Variants in ZNF683 observed in about 807,000 individuals in gnomAD.
ZNF683 encodes the protein tissue-resident T-cell transcription regulator protein ZNF683.
A neutral mutation model predicts 31.4 loss-of-function variants in ZNF683; 20 were observed. That is an observed-to-expected ratio of 0.64 (90% CI 0.45 to 0.93). The LOEUF (loss-of-function observed/expected upper bound fraction) is 0.93. ZNF683 is among the 40% of genes least tolerant of loss of function. ZNF683 has a pLI of 0.00. For missense variants in ZNF683, 621 were observed against 637.2 expected, an observed-to-expected ratio of 0.97 and a Z score of 0.27; for synonymous variants, 264 against 267.6, an observed-to-expected ratio of 0.99 and a Z score of 0.13.
chr1:26,369,834 A>C (rs1030139796), intron 1 of ZNF683, among the ~76,000 whole-genome samples: 1 of 152,076 alleles, frequency 6.6e-6, no homozygotes, highest in African/African-American at 2.4e-5. Context: ...GTTCAAAAAT[A>C]AATAAATAAA....
chr1:26,366,217 G>T (rs143727072), intron 3 of ZNF683, among the ~76,000 whole-genome samples: 141 of 151,854 alleles, frequency 9.3e-4, no homozygotes, highest in African/African-American at 3.3e-3. Flanking sequence ...AAATTAGCTG[G>T]GTGTTTGTGG....
At position 26,368,521 on chromosome 1, in the gene ZNF683, G is replaced by A; in HGVS notation, c.51C>T (p.Ala17=). The change falls in exon 2 of 6, where the codon GCC becomes GCT. Residue 17 remains alanine, a synonymous_variant. Coordinates refer to ENST00000349618, the MANE Select transcript of ZNF683 (RefSeq NM_001114759.3). ...ACAGGGAGCCCCCTGTACCTCCCAG[G>A]GCCATGGGCCTATGACAACAACCTA... ...AQLGCCHRPM[A]LGGTGGSLSP... The A allele has an allele frequency of 1.2e-6, 2 of 1,606,402 alleles. No individual in the cohort carries two copies. Among genetic ancestry groups the A allele is most frequent in the Non-Finnish European group, 8.5e-7 (1 of 1,176,426 alleles).
rs2074565752 is a variant in ZNF683, at chr1:26,367,793, AAGACCT to A, written c.115-2_118del. ...GTCTGGAAGTGGTCTGCAGGCTGAG[AAGACCT>A]GGAGGGCAGGGGCAAGGGGCTTGGG... On this transcript the variant is annotated splice_acceptor_variant and coding_sequence_variant, in exon 3 of 6. Transcript: ENST00000349618. LOFTEE classifies it high-confidence loss of function. 3 of 1,586,568 alleles carry A rather than the reference AAGACCT, an allele frequency of 1.9e-6. No individual in the cohort carries two copies. Among genetic ancestry groups the A allele is most frequent in the Non-Finnish European group, 2.6e-6 (3 of 1,164,150 alleles).
intron 4 of ZNF683, among the ~76,000 whole-genome samples, chr1:26,363,376 A>G (rs1026550714): frequency 6.6e-6 from 1 of 152,166 alleles, no homozygotes; most frequent in African/African-American, 2.4e-5. Context: ...GAACACTGCT[A>G]TTCAAAATGT....
chr1:26,374,174 C>G (rs935372328), upstream of ZNF683: 42 of 1,213,120 alleles, frequency 3.5e-5, no homozygotes, highest in Non-Finnish European at 4.6e-5. Context: ...CCTCTCAGAC[C>G]CCCAGGCCAC....
chr1:26,368,692 A>G (rs1411984372), intron 1 of ZNF683, 107 bp from the exon 2 acceptor site: 2 of 1,301,036 alleles, frequency 1.5e-6, no homozygotes, highest in Non-Finnish European at 2.0e-6. Context: ...CAAGTTATTC[A>G]TGTCCCTTCC....
intron 3 of ZNF683, among the ~76,000 whole-genome samples, chr1:26,365,782 C>T (rs1570254207): frequency 1.3e-5 from 2 of 152,314 alleles, no homozygotes; most frequent in Admixed American, 1.3e-4. Context: ...GTGGCTCATG[C>T]CTATAATCCC....
Position 26,361,768 on chromosome 1 carries a change from G to C in ZNF683, c.1398C>G (p.His466Gln). 1 of 1,614,068 alleles carries C rather than the reference G, an allele frequency of 6.2e-7. No individual in the cohort carries two copies. Among genetic ancestry groups the C allele is most frequent in the East Asian group, 2.2e-5 (1 of 44,890 alleles). ...TGACCTCATCTATGTCATAGCCCAT[G>C]TGTTTCTCAGATGCCACCGCCATAA... The part of the protein sequence containing the change: ...LDLMAVASEK[H>Q]MGYDIDEVKV... Residue 466 changes from histidine (H) to glutamine (Q), a missense_variant, in exon 6 of 6, where the codon CAC (histidine) becomes CAG (glutamine). By Grantham distance (24) the His-to-Gln change is conservative (BLOSUM62 0). Transcript: ENST00000349618.
chr1:26,367,555 C>T (rs1297181748), intron 3 of ZNF683, 38 bp downstream of exon 3: 2 of 1,505,116 alleles, frequency 1.3e-6, no homozygotes, highest in Non-Finnish European at 1.8e-6. Flanking sequence ...CCTCCAGCCT[C>T]TGCCAGGCGC....
At chr1:26,363,659 C>T (rs565292633) in intron 4 of ZNF683, among the ~76,000 whole-genome samples, 2 of 147,990 alleles carry the variant, frequency 1.4e-5, no homozygotes, top group Admixed American at 1.4e-4. Flanking sequence ...TCCCAGCTAC[C>T]GGGGAGGATG....
At chr1:26,369,496 C>T (rs1049151271) in intron 1 of ZNF683, among the ~76,000 whole-genome samples, 14 of 151,758 alleles carry the variant, frequency 9.2e-5, no homozygotes, top group Non-Finnish European at 2.9e-5. Flanking sequence ...GGTGAAACCT[C>T]GTCTCTACCA....
chr1:26,369,744 C>A (rs1447682367), intron 1 of ZNF683, among the ~76,000 whole-genome samples: 2 of 151,802 alleles, frequency 1.3e-5, no homozygotes, highest in Admixed American at 1.3e-4. Context: ...GCAAGAGAAT[C>A]GCTTGAACCC....
At chr1:26,371,350 A>G (rs1055809562) in intron 1 of ZNF683, among the ~76,000 whole-genome samples, 1 of 152,188 alleles carries the variant, frequency 6.6e-6, no homozygotes, top group Non-Finnish European at 1.5e-5. Flanking sequence ...CTGTAATCCC[A>G]GCACTTCAGG....
chr1:26,364,539 T>A lies in ZNF683; in HGVS notation c.1007A>T (p.Asn336Ile). The A allele has an allele frequency of 6.2e-7, 1 of 1,613,734 alleles. No homozygotes were observed. The highest frequency in any genetic ancestry group is 8.5e-7 in the Non-Finnish European group (1 of 1,179,842). Reference protein sequence around the residue: ...ICGKSFGQLSNLKVHLRVHSG... With the variant: ...ICGKSFGQLSILKVHLRVHSG... ...AGCCCAGGAGGCAGATACCTTGAGA[T>A]TGGAGAGCTGCCCAAAGCTCTTGCC... Residue 336 changes from asparagine to isoleucine, a missense_variant, in exon 4 of 6, where the codon AAT (asparagine) becomes ATT (isoleucine). By Grantham distance (149) the Asn-to-Ile change is moderately radical. Coordinates refer to ENST00000349618, the MANE Select transcript of ZNF683 (RefSeq NM_001114759.3).
rs374604617 is a variant in ZNF683, at chr1:26,366,185, AAAAG to A, written c.320-963_320-960del. 3.9e-3 allele frequency among the ~76,000 whole-genome samples: 587 copies of A among 151,986 alleles called. 4 individuals carry two copies. The highest frequency in any genetic ancestry group is 0.024 in the Middle Eastern group (7 of 294). ...ACAAAAGCGAAACTCTGTTTCAAAA[AAAAG>A]AAAGAAAGAAAGAAAGAAAATTAGC... On this transcript the variant is annotated intron_variant, in intron 3 of 5. Coordinates refer to ENST00000349618, the MANE Select transcript of ZNF683 (RefSeq NM_001114759.3).
At chr1:26,370,010 A>G (rs1199784528) in intron 1 of ZNF683, among the ~76,000 whole-genome samples, 1 of 152,088 alleles carries the variant, frequency 6.6e-6, no homozygotes, top group Non-Finnish European at 1.5e-5. Context: ...CAATCAATCA[A>G]TCAATCAATC....
Position 26,362,945 on chromosome 1 carries a change from G to C in ZNF683, c.1143+81C>G, listed in dbSNP as rs150150600. The C allele has an allele frequency of 1.5e-3, 2,279 of 1,498,508 alleles. 36 individuals carry two copies. The African/African-American group carries it at 0.028, about 18-fold the overall frequency. 92.8% of individuals were successfully genotyped at this position (1,498,508 alleles called of 1,614,324 possible). On this transcript the variant is annotated intron_variant, in intron 5 of 5. Coordinates refer to ENST00000349618, the MANE Select transcript of ZNF683 (RefSeq NM_001114759.3). ...TTGCTCAGGAGGACTGGGGAATGGA[G>C]GCTGCAGGTGCCAGCCCTCCAAGGG... is the stretch of plus-strand genomic sequence containing the variant.
Position 26,364,695 on chromosome 1 carries a change from G to C in ZNF683, c.851C>G (p.Pro284Arg), listed in dbSNP as rs1188006793. Residue 284 changes from proline to arginine, a missense_variant, in exon 4 of 6, where the codon CCA becomes CGA. Coordinates refer to ENST00000349618, the MANE Select transcript of ZNF683 (RefSeq NM_001114759.3). The part of the protein sequence containing the change: ...PGAGAAPTDS[P>R]GLERGGMASP... ...TGCCATGCCACCACGCTCCAGGCCT[G>C]GGGAGTCGGTTGGGGCAGCTCCAGC... 6.2e-7 allele frequency: 1 copy of C among 1,613,888 alleles called. No homozygotes were observed. The highest frequency in any genetic ancestry group is 8.5e-7 in the Non-Finnish European group (1 of 1,179,834).
rs750051965 is a variant in ZNF683, at chr1:26,361,974, G to A, written c.1192C>T (p.Arg398Cys). The A allele has an allele frequency of 1.5e-5, 25 of 1,613,844 alleles. No individual in the cohort carries two copies. The highest frequency in any genetic ancestry group is 4.5e-5 in the East Asian group (2 of 44,894). ...SSSSNLKTHL[R>C]LHSGARPFQC... is the part of the protein sequence containing the mutation. Reference sequence around the variant, plus strand: ...AAGGGCCGGGCCCCGGAGTGCAGGCGCAGGTGGGTCTTGAGGTTACTGGAG... The same window carrying A: ...AAGGGCCGGGCCCCGGAGTGCAGGCACAGGTGGGTCTTGAGGTTACTGGAG... Residue 398 changes from arginine to cysteine, a missense_variant, in exon 6 of 6, where the codon CGC (arginine) becomes TGC (cysteine). Transcript: ENST00000349618.
Sources: gnomAD v4.1 joint callset for allele counts (sites outside exome capture counted in the v4.1 genomes callset) on GRCh38, gnomAD v4.1.1 for gene constraint, MANE v1.5 for transcripts, NCBI Gene and HGNC (gene_info 2026-07-23, HGNC 2026-07-21) for gene names.